Variants in NID2 observed in about 807,000 individuals in gnomAD.
The protein encoded by NID2 is nidogen 2.
Under a neutral mutation model 145.4 loss-of-function variants are expected in NID2, and 83 were observed. The observed-to-expected ratio is 0.57, with a 90% CI of 0.48 to 0.69. The LOEUF is 0.69. Among genes scored for constraint, NID2 ranks in the 30% least tolerant of loss-of-function variants. The pLI, the probability that NID2 is intolerant of heterozygous loss-of-function variation, is 0.00. For missense variants in NID2, 1,807 were observed against 1,765.7 expected, an observed-to-expected ratio of 1.02 and a Z score of -0.42; for synonymous variants, 739 against 701.3, an observed-to-expected ratio of 1.05 and a Z score of -0.85.
intron 3 of NID2, among the ~76,000 whole-genome samples, chr14:52,057,633 C>T (rs1892894914): frequency 7.3e-6 from 1 of 137,052 alleles, no homozygotes; most frequent in Non-Finnish European, 1.5e-5. Context: ...ACCCAGGAGG[C>T]AGAGGTTGCA....
At chr14:52,024,531 C>G (rs190396655) in intron 12 of NID2, among the ~76,000 whole-genome samples, 1 of 152,212 alleles carries the variant, frequency 6.6e-6, no homozygotes, top group Admixed American at 6.5e-5. Flanking sequence ...TTGACTGTGG[C>G]CTTGTGAGAG....
intron 9 of NID2, among the ~76,000 whole-genome samples, chr14:52,037,264 T>TTTTTA (rs144255931): frequency 2.0e-5 from 3 of 151,248 alleles, no homozygotes; most frequent in Admixed American, 2.0e-4. Flanking sequence ...GGCACTGTGT[T>TTTTTA]TTTTGTTTTG....
chr14:52,047,471 T>C (rs1245117846), intron 5 of NID2, among the ~76,000 whole-genome samples: 5 of 151,756 alleles, frequency 3.3e-5, no homozygotes, highest in Non-Finnish European at 7.4e-5. Context: ...GTCTCAGAGA[T>C]CACAGGAAGG....
In NID2 at chr14:52,030,594, G is replaced by GAGAA. The variant is rs1566755794; in HGVS notation, c.2258-905_2258-904insTTCT. Among the ~76,000 whole-genome samples, 14 of 77,690 alleles carry GAGAA rather than the reference G, an allele frequency of 1.8e-4. 1 individual carries two copies. Among genetic ancestry groups the GAGAA allele is most frequent in the African/African-American group, 4.6e-4 (11 of 24,066 alleles). The allele number at this position is 77,690 out of a possible 152,430, so 51.0% of individuals were successfully genotyped here. On this transcript the variant is annotated intron_variant, in intron 9 of 21. Coordinates refer to ENST00000216286, the MANE Select transcript of NID2 (RefSeq NM_007361.4). ...GAAGGAAGGGAAAGAAAGAAAGAAAGAAAGAAAGAAAGAGAAAGAAAAAGA... is the reference window on the plus strand; with the variant it reads ...GAAGGAAGGGAAAGAAAGAAAGAAAGAGAAAAAGAAAGAAAGAGAAAGAAAAAGA...
At chr14:52,068,411 T>C (rs528478268) in intron 1 of NID2, among the ~76,000 whole-genome samples, 31 of 152,284 alleles carry the variant, frequency 2.0e-4, no homozygotes, top group African/African-American at 7.5e-4. Flanking sequence ...CGGAGCCCCA[T>C]GTCCTCGGAG....
chr14:52,028,851 C>T lies in NID2; in HGVS notation c.2402-1G>A. On this transcript the variant is annotated splice_acceptor_variant, in intron 10 of 21. Coordinates refer to ENST00000216286, the MANE Select transcript of NID2 (RefSeq NM_007361.4). LOFTEE classifies it high-confidence loss of function. ...AAGCCAGTTGCACATTCATTTTCAT[C>T]TAAGAAGAAATGAGAAGAGAAAAAT... 6.2e-7 allele frequency: 1 copy of T among 1,612,840 alleles called. No individual in the cohort carries two copies. The highest frequency in any genetic ancestry group is 8.5e-7 in the Non-Finnish European group (1 of 1,179,582).
chr14:52,046,478 T>C (rs1298770355), intron 5 of NID2, among the ~76,000 whole-genome samples: 1 of 152,160 alleles, frequency 6.6e-6, no homozygotes, highest in Non-Finnish European at 1.5e-5. Flanking sequence ...ACCCAATTCT[T>C]ATTCTGAGGC....
intron 14 of NID2, 111 bp from the exon 15 acceptor site, chr14:52,015,386 A>C (rs1401232715): frequency 8.7e-6 from 9 of 1,029,370 alleles, no homozygotes; most frequent in African/African-American, 1.6e-5. Flanking sequence ...TCCTTCTCCT[A>C]CTGTCCAGGT....
At chr14:52,011,492 A>T in intron 17 of NID2, 62 bp downstream of exon 17, 3 of 1,606,564 alleles carry the variant, frequency 1.9e-6, no homozygotes, top group Non-Finnish European at 2.6e-6. Flanking sequence ...ACTTCGGCGT[A>T]AAGTAGACAA....
In NID2 at chr14:52,014,297, A is replaced by G. The variant is rs748843484; in HGVS notation, c.3410T>C (p.Leu1137Pro). ...RLQKDAAKTL[L>P]SLHGSIIVGI... Reference sequence around the variant, plus strand: ...AGAAATCCACTTTACATGCAGAGACAGCAGGGTCTTAGCTGCATCCTTCTG... The same window carrying G: ...AGAAATCCACTTTACATGCAGAGACGGCAGGGTCTTAGCTGCATCCTTCTG... The change falls in exon 16 of 22, where the codon CTG (leucine) becomes CCG (proline). Residue 1137 changes from leucine (L) to proline (P), a missense_variant. Leu to Pro is a moderately conservative substitution (Grantham distance 98). Transcript: ENST00000216286. 1.9e-6 allele frequency: 3 copies of G among 1,614,130 alleles called. No homozygotes were observed. The East Asian group carries it at 6.7e-5, about 36-fold the overall frequency.
chr14:52,054,641 CA>C (rs1892790141), intron 3 of NID2, among the ~76,000 whole-genome samples: 1 of 152,164 alleles, frequency 6.6e-6, no homozygotes, highest in Admixed American at 6.5e-5. Context: ...CCAGCAGTTC[CA>C]GGTTACAGTG....
At chr14:52,031,694 C>A (rs1339667396) in intron 9 of NID2, among the ~76,000 whole-genome samples, 2 of 152,238 alleles carry the variant, frequency 1.3e-5, no homozygotes, top group Non-Finnish European at 2.9e-5. Flanking sequence ...CAGTACCACC[C>A]ATTTTACCAC....
At chr14:52,043,072 T>A in intron 5 of NID2, 141 bp from the exon 6 acceptor site, 1 of 754,716 alleles carries the variant, frequency 1.3e-6, no homozygotes, top group Non-Finnish European at 2.2e-6. Context: ...GGCATAACAT[T>A]CAACCCAAGG....
chr14:52,020,359 G>C, intron 12 of NID2, 181 bp from the exon 13 acceptor site: 54 of 942,406 alleles, frequency 5.7e-5, no homozygotes, highest in Non-Finnish European at 7.9e-5. Flanking sequence ...TAGAAAGGAA[G>C]AAAAAAAATC....
intron 5 of NID2, among the ~76,000 whole-genome samples, chr14:52,043,541 G>A (rs1278009978): frequency 1.3e-5 from 2 of 152,178 alleles, no homozygotes; most frequent in Non-Finnish European, 2.9e-5. Flanking sequence ...TATGCCCTTG[G>A]CAGGGTTTAA....
intron 13 of NID2, 39 bp from the exon 14 acceptor site, chr14:52,019,333 T>C (rs778783252): frequency 6.0e-6 from 9 of 1,497,346 alleles, no homozygotes; most frequent in Non-Finnish European, 8.1e-6. Context: ...AAAAGAGAAA[T>C]AGAAGGCATT....
At chr14:52,031,942 G>A (rs1891885331) in intron 9 of NID2, among the ~76,000 whole-genome samples, 1 of 152,158 alleles carries the variant, frequency 6.6e-6, no homozygotes, top group African/African-American at 2.4e-5. Context: ...GCTATGGGGG[G>A]AGACTTGCCC....
chr14:52,047,789 G>A (rs1892555134), intron 5 of NID2, among the ~76,000 whole-genome samples: 1 of 152,140 alleles, frequency 6.6e-6, no homozygotes, highest in African/African-American at 2.4e-5. Flanking sequence ...AACAGCATGA[G>A]GCATCAAGGA....
chr14:52,049,437 G>T (rs1216613981), intron 5 of NID2, among the ~76,000 whole-genome samples: 2 of 113,686 alleles, frequency 1.8e-5, no homozygotes, highest in Non-Finnish European at 4.0e-5. Flanking sequence ...CTTCACAGAA[G>T]GCCCTGGGCC....
Sources: gnomAD v4.1 joint callset for allele counts (sites outside exome capture counted in the v4.1 genomes callset) on GRCh38, gnomAD v4.1.1 for gene constraint, MANE v1.5 for transcripts, NCBI Gene and HGNC (gene_info 2026-07-23, HGNC 2026-07-21) for gene names.